OSGEPL1: variants seen among roughly 807,000 people sequenced by gnomAD.
The protein encoded by OSGEPL1 is O-sialoglycoprotein endopeptidase like 1, also known as tRNA N6-adenosine threonylcarbamoyltransferase, mitochondrial.
In OSGEPL1, 26 loss-of-function variants were observed where a neutral mutation model predicts 37.2. That is an observed-to-expected ratio of 0.70 (90% CI 0.51 to 0.97). The LOEUF is 0.97. OSGEPL1 is among the 50% of genes least tolerant of loss of function. The pLI is 0.00. For synonymous variants in OSGEPL1, 140 were observed against 159.9 expected (o/e 0.88, Z 0.94); for missense variants, 404 against 487.0 (o/e 0.83, Z 1.60).
At chr2:189,761,965 CTATT>C (rs1361659847) in intron 1 of OSGEPL1, among the ~76,000 whole-genome samples, 1 of 152,088 alleles carries the variant, frequency 6.6e-6, no homozygotes, top group East Asian at 1.9e-4. Flanking sequence ...CTGAAAAGTG[CTATT>C]TATTTTTTGA....
chr2:189,758,492 G>T (rs1321773103), intron 2 of OSGEPL1, among the ~76,000 whole-genome samples: 1 of 152,072 alleles, frequency 6.6e-6, no homozygotes, highest in African/African-American at 2.4e-5. Flanking sequence ...AAGCTCCCTG[G>T]GCCTCCCCAG....
In OSGEPL1 at chr2:189,759,767, T is replaced by A. The variant is rs567278247; in HGVS notation, c.221+1653A>T. Among the ~76,000 whole-genome samples, 39 of 150,884 alleles carry A rather than the reference T, an allele frequency of 2.6e-4. 1 individual carries two copies. The highest frequency in any genetic ancestry group is 2.1e-3 in the East Asian group (11 of 5,138). ...TTCTTATTTATTTATTTATTTATTT[T>A]TTTAGTATTTATTGATCATTCTTGG... On this transcript the variant is annotated intron_variant, in intron 2 of 8. Coordinates refer to ENST00000264151, the MANE Select transcript of OSGEPL1 (RefSeq NM_022353.3).
chr2:189,762,101 G>T lies in OSGEPL1; in HGVS notation c.-20-441C>A, dbSNP rs191729284. Reference sequence around the variant, plus strand: ...TAAAAACATCTTTCAAAATAAAACTGGATCATTTGGTTCAAAAACAAGAGT... The same window carrying T: ...TAAAAACATCTTTCAAAATAAAACTTGATCATTTGGTTCAAAAACAAGAGT... On this transcript the variant is annotated intron_variant, in intron 1 of 8. Transcript: ENST00000264151. Among the ~76,000 whole-genome samples the T allele has an allele frequency of 1.4e-3, 214 of 152,216 alleles. 1 individual carries two copies. Among genetic ancestry groups the T allele is most frequent in the Non-Finnish European group, 7.9e-4 (54 of 68,008 alleles).
At chr2:189,758,886 T>C (rs1014720436) in intron 2 of OSGEPL1, among the ~76,000 whole-genome samples, 3 of 152,228 alleles carry the variant, frequency 2.0e-5, no homozygotes, top group African/African-American at 7.2e-5. Context: ...CTAATTTAGA[T>C]AAAGTGGTCA....
At chr2:189,762,882 C>CT (rs1041569201), upstream of OSGEPL1, 39 of 985,370 alleles carry the variant, frequency 4.0e-5, no homozygotes, top group African/African-American at 6.6e-4. Flanking sequence ...TAAAGGCCGT[C>CT]TTTGCCCAAA....
chr2:189,756,858 C>G (rs967259260), intron 2 of OSGEPL1, among the ~76,000 whole-genome samples: 3 of 152,164 alleles, frequency 2.0e-5, no homozygotes, highest in Non-Finnish European at 4.4e-5. Context: ...AAAGCACATG[C>G]TACCAGTTAT....
At chr2:189,760,724 G>A (rs1161914077) in intron 2 of OSGEPL1, among the ~76,000 whole-genome samples, 1 of 151,930 alleles carries the variant, frequency 6.6e-6, no homozygotes, top group Non-Finnish European at 1.5e-5. Flanking sequence ...TCGAGAGGCG[G>A]AGATTGCAGT....
Position 189,762,729 on chromosome 2 carries a change from C to CTAAA in OSGEPL1, c.-69_-66dup. On this transcript the variant is annotated 5_prime_UTR_variant, in exon 1 of 9. Coordinates refer to ENST00000264151, the MANE Select transcript of OSGEPL1 (RefSeq NM_022353.3). ...AGCTAGCACTTGTCTCCTTTCCCTA[C>CTAAA]TAAAGACTGTCGACTGCCCTTATCG... is the stretch of plus-strand genomic sequence containing the variant. The CTAAA allele has an allele frequency of 1.0e-6, 1 of 985,490 alleles. No individual in the cohort carries two copies. Among genetic ancestry groups the CTAAA allele is most frequent in the South Asian group, 4.7e-5 (1 of 21,282 alleles). 61.0% of individuals were successfully genotyped at this position (985,490 alleles called of 1,614,324 possible).
At chr2:189,761,148 A>C (rs2047006209) in intron 2 of OSGEPL1, 1 of 268,866 alleles carries the variant, frequency 3.7e-6, no homozygotes, top group Admixed American at 5.3e-5. Flanking sequence ...GGAGAAAAGA[A>C]GGAATGCATT....
At chr2:189,750,356 T>C (rs2044965054) in intron 8 of OSGEPL1, among the ~76,000 whole-genome samples, 194 bp downstream of exon 8, 1 of 152,150 alleles carries the variant, frequency 6.6e-6, no homozygotes, top group Admixed American at 6.5e-5. Flanking sequence ...GATGTTTTAT[T>C]TTGGTTTTTA....
In OSGEPL1 at chr2:189,746,771, C is replaced by A; in HGVS notation, c.*426G>T. On this transcript the variant is annotated 3_prime_UTR_variant, in exon 9 of 9. Transcript: ENST00000264151. ...TCGATACTAAGCAGATTTTCCTTAG[C>A]ATGTCTACAGGAATTTAGTGTCAGG... is the stretch of plus-strand genomic sequence containing the variant. The A allele has an allele frequency of 1.1e-6, 1 of 947,946 alleles. No homozygotes were observed. Among genetic ancestry groups the A allele is most frequent in the South Asian group, 2.2e-5 (1 of 46,302 alleles). 58.7% of individuals were successfully genotyped at this position (947,946 alleles called of 1,614,324 possible).
intron 2 of OSGEPL1, among the ~76,000 whole-genome samples, chr2:189,757,998 G>A (rs765022994): frequency 6.6e-6 from 1 of 152,180 alleles, no homozygotes; most frequent in African/African-American, 2.4e-5. Context: ...GTTGAAGATG[G>A]GGCCTGGTGG....
At chr2:189,756,087 T>C (rs1432661876) in intron 2 of OSGEPL1, among the ~76,000 whole-genome samples, 1 of 152,194 alleles carries the variant, frequency 6.6e-6, no homozygotes, top group Non-Finnish European at 1.5e-5. Flanking sequence ...TCAGCTGGAA[T>C]GACCGGGAGA....
In OSGEPL1 at chr2:189,753,922, T is replaced by C. The variant is rs1366240082; in HGVS notation, c.957A>G (p.Ala319=). The part of the protein sequence containing the change: ...KQRDLLPQNN[A]VLVASGGVAS... ...AAAATGAGATAAAACTTACCAGTAC[T>C]GCATTATTTTGAGGTAACAAGTCTC... Residue 319 remains alanine, a synonymous_variant, in exon 5 of 9, where the codon GCA becomes GCG. Coordinates refer to ENST00000264151, the MANE Select transcript of OSGEPL1 (RefSeq NM_022353.3). The C allele has an allele frequency of 6.8e-6, 11 of 1,613,286 alleles. No individual in the cohort carries two copies. The highest frequency in any genetic ancestry group is 9.3e-6 in the Non-Finnish European group (11 of 1,179,746).
intron 1 of OSGEPL1, among the ~76,000 whole-genome samples, chr2:189,762,063 G>A (rs974546647): frequency 5.3e-5 from 8 of 152,182 alleles, no homozygotes; most frequent in Non-Finnish European, 1.0e-4. Flanking sequence ...TACTGTTAAT[G>A]TATTCCATCT....
intron 1 of OSGEPL1, 143 bp downstream of exon 1, chr2:189,762,542 C>G (rs1273510604): frequency 2.1e-6 from 2 of 963,020 alleles, no homozygotes; most frequent in Admixed American, 6.2e-5. Context: ...CCTTTCGGGC[C>G]AAGAAAGCTG....
In OSGEPL1 at chr2:189,750,856, T is replaced by C. The variant is rs762732801; in HGVS notation, c.1167-200A>G. ...AAGCTAGTCTCATTAATAAGAAATC[T>C]AAATTTTGAGATATTTTTGAAAGAA... On this transcript the variant is annotated intron_variant, in intron 7 of 8. Transcript: ENST00000264151. 3.9e-4 allele frequency among the ~76,000 whole-genome samples: 59 copies of C among 152,318 alleles called. No homozygotes were observed. The Middle Eastern group carries it at 0.014, about 35-fold the overall frequency.
chr2:189,750,739 G>T, intron 7 of OSGEPL1, 83 bp from the exon 8 acceptor site: 1 of 977,440 alleles, frequency 1.0e-6, no homozygotes, highest in Non-Finnish European at 1.5e-6. Context: ...TTAGAATTCT[G>T]ATGGTATAAA....
At chr2:189,759,541 C>T (rs975503168) in intron 2 of OSGEPL1, among the ~76,000 whole-genome samples, 2 of 152,148 alleles carry the variant, frequency 1.3e-5, no homozygotes, top group African/African-American at 2.4e-5. Flanking sequence ...TGAGCCACAG[C>T]GCCCAGCCAA....
Sources: gnomAD v4.1 joint callset for allele counts (sites outside exome capture counted in the v4.1 genomes callset) on GRCh38, gnomAD v4.1.1 for gene constraint, MANE v1.5 for transcripts, NCBI Gene and HGNC (gene_info 2026-07-23, HGNC 2026-07-21) for gene names.